DAB1: variants seen among roughly 807,000 people sequenced by gnomAD.
DAB1 encodes DAB adaptor protein 1.
A neutral mutation model predicts 64.6 loss-of-function variants in DAB1; 15 were observed. The ratio of observed to expected loss-of-function variants is 0.23; its 90% CI spans 0.16 to 0.36. The LOEUF is 0.36. DAB1 is among the 10% of genes least tolerant of loss of function. The pLI is 1.00. For synonymous variants in DAB1, 235 were observed against 251.9 expected (o/e 0.93, Z 0.64); for missense variants, 596 against 706.7 (o/e 0.84, Z 1.78).
intron 7 of DAB1, among the ~76,000 whole-genome samples, chr1:57,476,879 G>C (rs1643945367): frequency 6.6e-6 from 1 of 152,086 alleles, no homozygotes. Flanking sequence ...AGAGGACTTG[G>C]GTTCAAATTC....
At position 57,142,598 on chromosome 1, in the gene DAB1, TCACACACA is replaced by T. The variant is rs149545090; in HGVS notation, c.207+2684_207+2691del. Among the ~76,000 whole-genome samples the T allele has an allele frequency of 4.4e-4, 63 of 142,812 alleles. 1 individual carries two copies. The East Asian group carries it at 8.8e-3, about 20-fold the overall frequency. The allele number at this position is 142,812 out of a possible 152,430, so 93.7% of individuals were successfully genotyped here. On this transcript the variant is annotated intron_variant, in intron 3 of 14. Transcript: ENST00000371236. The stretch of plus-strand genomic sequence containing the variant: ...GACAGATGGAGCACTTCACTGCAGG[TCACACACA>T]CACACACACACACACACACACACAT...
intron 5 of DAB1, among the ~76,000 whole-genome samples, chr1:57,900,695 G>A (rs1644460026): frequency 6.6e-6 from 1 of 152,198 alleles, no homozygotes; most frequent in African/African-American, 2.4e-5. Context: ...ATGTAGGGGA[G>A]CTTAGTAGTA....
Position 58,123,910 on chromosome 1 carries a change from T to TACAC in DAB1, n.387+26597_387+26600dup, listed in dbSNP as rs749159861. 1.3e-5 allele frequency among the ~76,000 whole-genome samples: 2 copies of TACAC among 151,754 alleles called. 1 individual carries two copies. The highest frequency in any genetic ancestry group is 4.2e-4 in the South Asian group (2 of 4,804). ...ACAGAGGTTTGAAGCCATATACTAA[T>TACAC]ACACACACACACACATACAACTTTG... On this transcript the variant is annotated intron_variant and non_coding_transcript_variant, in intron 5 of 20. Coordinates refer to the DAB1 transcript ENST00000485760.
chr1:57,124,535 A>G (rs1226053625), intron 4 of DAB1, among the ~76,000 whole-genome samples: 1 of 152,204 alleles, frequency 6.6e-6, no homozygotes. Context: ...ATATAACTTT[A>G]AAATGTCTGC....
At chr1:58,531,175 A>G (rs1015300000) in intron 1 of DAB1, among the ~76,000 whole-genome samples, 11 of 152,304 alleles carry the variant, frequency 7.2e-5, no homozygotes, top group African/African-American at 2.6e-4. Flanking sequence ...AATCAAGTAA[A>G]TGTTTTATTT....
chr1:57,838,269 T>A (rs1003674024), intron 1 of DAB1, among the ~76,000 whole-genome samples: 3 of 152,224 alleles, frequency 2.0e-5, no homozygotes, highest in African/African-American at 7.2e-5. Flanking sequence ...GTTAGGCTAT[T>A]GAGAAGTCAT....
chr1:57,837,716 C>A, intron 1 of DAB1, among the ~76,000 whole-genome samples: 1 of 152,030 alleles, frequency 6.6e-6, no homozygotes, highest in Non-Finnish European at 1.5e-5. Flanking sequence ...ATGCTTGATT[C>A]ATCTTTCTTG....
intron 6 of DAB1, among the ~76,000 whole-genome samples, chr1:57,810,949 A>G (rs1651589439): frequency 6.6e-6 from 1 of 152,154 alleles, no homozygotes; most frequent in Admixed American, 6.5e-5. Flanking sequence ...ATCTAGGGAG[A>G]ATCTGGCTTT....
intron 4 of DAB1, among the ~76,000 whole-genome samples, chr1:57,075,522 C>T (rs987004163): frequency 2.0e-5 from 3 of 152,172 alleles, no homozygotes; most frequent in South Asian, 2.1e-4. Context: ...ACCATGCAGA[C>T]GTAACATAGA....
Position 57,142,409 on chromosome 1 carries a change from C to G in DAB1, c.207+2881G>C, listed in dbSNP as rs552831301. The stretch of plus-strand genomic sequence containing the variant: ...TGTTTCTGTGTTTCCTAAAGAAAAA[C>G]CACTGGGAGCTGAAATGTCAACATT... On this transcript the variant is annotated intron_variant, in intron 3 of 14. Coordinates refer to ENST00000371236, the MANE Select transcript of DAB1 (RefSeq NM_001365792.1). 1.8e-4 allele frequency among the ~76,000 whole-genome samples: 28 copies of G among 152,140 alleles called. No homozygotes were observed. In the South Asian group the frequency reaches 5.6e-3, roughly 30 times the overall value.
chr1:57,948,156 T>C (rs1474472029), intron 5 of DAB1, among the ~76,000 whole-genome samples: 1 of 152,224 alleles, frequency 6.6e-6, no homozygotes, highest in African/African-American at 2.4e-5. Flanking sequence ...GCATAACTAC[T>C]TCTTCAGTAG....
At chr1:57,502,361 A>G (rs1285153544) in intron 7 of DAB1, among the ~76,000 whole-genome samples, 4 of 151,614 alleles carry the variant, frequency 2.6e-5, no homozygotes, top group Non-Finnish European at 4.4e-5. Context: ...GAAACCCACT[A>G]TAGTAGGACA....
chr1:57,014,636 G>T (rs1646365190), intron 12 of DAB1, among the ~76,000 whole-genome samples: 1 of 152,094 alleles, frequency 6.6e-6, no homozygotes, highest in Non-Finnish European at 1.5e-5. Flanking sequence ...TGTCAAACAG[G>T]TCTAACAAAA....
intron 6 of DAB1, among the ~76,000 whole-genome samples, chr1:57,807,657 C>T (rs1312445372): frequency 6.6e-6 from 1 of 152,080 alleles, no homozygotes; most frequent in Non-Finnish European, 1.5e-5. Flanking sequence ...TTGTGTGGAT[C>T]CACTTATACC....
At chr1:57,802,846 G>C (rs1383895424) in intron 6 of DAB1, among the ~76,000 whole-genome samples, 1 of 152,116 alleles carries the variant, frequency 6.6e-6, no homozygotes, top group African/African-American at 2.4e-5. Context: ...AAATTGCCTA[G>C]TTTTTGGTAT....
chr1:58,054,807 G>A (rs767891239), intron 5 of DAB1, among the ~76,000 whole-genome samples: 13 of 152,190 alleles, frequency 8.5e-5, no homozygotes, highest in Non-Finnish European at 1.5e-4. Flanking sequence ...ACACAGTGGG[G>A]AGAAATTGCT....
chr1:57,076,843 C>T (rs912504161), intron 4 of DAB1, among the ~76,000 whole-genome samples: 1 of 152,216 alleles, frequency 6.6e-6, no homozygotes, highest in Non-Finnish European at 1.5e-5. Flanking sequence ...CTTTGCACTT[C>T]TTTCGCATTT....
chr1:58,325,402 T>G (rs1434650415), intron 4 of DAB1, among the ~76,000 whole-genome samples: 1 of 152,232 alleles, frequency 6.6e-6, no homozygotes, highest in African/African-American at 2.4e-5. Context: ...TGAACCTCCT[T>G]ACCTCTCTAA....
chr1:57,858,272 G>A (rs1256579092), intron 1 of DAB1, among the ~76,000 whole-genome samples: 1 of 152,078 alleles, frequency 6.6e-6, no homozygotes, highest in African/African-American at 2.4e-5. Context: ...GGGAGATTAT[G>A]GCTCCATATG....
Sources: allele counts gnomAD v4.1 joint callset (sites outside exome capture counted in the v4.1 genomes callset), GRCh38; gene constraint gnomAD v4.1.1; transcripts MANE v1.5; gene names NCBI Gene and HGNC (gene_info 2026-07-23, HGNC 2026-07-21).